Variants in RUFY3 observed in about 807,000 individuals in gnomAD.
RUFY3 encodes RUN and FYVE domain containing 3, also known as protein RUFY3.
RUFY3 carries 34 observed loss-of-function variants against 84.0 expected under a neutral mutation model. The ratio of observed to expected loss-of-function variants is 0.40; its 90% CI spans 0.31 to 0.54. The LOEUF is 0.54. RUFY3 is among the 20% of genes least tolerant of loss of function. The pLI is 0.39. For missense variants in RUFY3, 507 were observed against 736.8 expected, an observed-to-expected ratio of 0.69 and a Z score of 3.61; for synonymous variants, 242 against 252.9, an observed-to-expected ratio of 0.96 and a Z score of 0.41.
At chr4:70,761,569 C>T (rs1482746347) in intron 1 of RUFY3, among the ~76,000 whole-genome samples, 1 of 152,096 alleles carries the variant, frequency 6.6e-6, no homozygotes, top group Non-Finnish European at 1.5e-5. Flanking sequence ...TGTCTCACAG[C>T]ATGTTGTAAG....
At chr4:70,765,827 A>C (rs562142670) in intron 4 of RUFY3, among the ~76,000 whole-genome samples, 2 of 147,758 alleles carry the variant, frequency 1.4e-5, no homozygotes, top group South Asian at 4.2e-4. Context: ...CAGTGGCGCT[A>C]TCTCCACTCA....
At chr4:70,790,879 C>T (rs536280864) in intron 12 of RUFY3, among the ~76,000 whole-genome samples, 27 of 152,226 alleles carry the variant, frequency 1.8e-4, no homozygotes, top group Admixed American at 7.9e-4. Context: ...TTAATGTTAA[C>T]TCAAAACTTA....
Position 70,729,935 on chromosome 4 carries a change from G to GTT in RUFY3, c.178+7199_178+7200dup, listed in dbSNP as rs11420754. On this transcript the variant is annotated intron_variant, in intron 1 of 17. Coordinates refer to ENST00000381006, the MANE Select transcript of RUFY3 (RefSeq NM_001037442.4). ...AGGAATATGCATTTTTGTTTCTTTCGTTTTTTTTTTTTTTTTGAGATGGAG... is the reference window on the plus strand; with the variant it reads ...AGGAATATGCATTTTTGTTTCTTTCGTTTTTTTTTTTTTTTTTTGAGATGGAG... Among the ~76,000 whole-genome samples the GTT allele has an allele frequency of 4.5e-3, 585 of 129,404 alleles. 6 individuals are homozygous for GTT. The highest frequency in any genetic ancestry group is 0.013 in the South Asian group (53 of 4,046). The allele number at this position is 129,404 out of a possible 152,430, so 84.9% of individuals were successfully genotyped here.
At chr4:70,746,065 G>A (rs1476214558) in intron 1 of RUFY3, among the ~76,000 whole-genome samples, 3 of 151,706 alleles carry the variant, frequency 2.0e-5, no homozygotes, top group Admixed American at 6.6e-5. Flanking sequence ...AAAAATTGGC[G>A]GGGCGTGGTG....
chr4:70,704,569 C>G (rs1320335956), upstream of RUFY3: 2 of 173,406 alleles, frequency 1.2e-5, no homozygotes, highest in Non-Finnish European at 2.4e-5. Context: ...GCCCAGGGCC[C>G]GAGGGTCGGG....
chr4:70,718,135 G>A (rs906846545), upstream of RUFY3, among the ~76,000 whole-genome samples: 6 of 151,934 alleles, frequency 3.9e-5, no homozygotes, highest in East Asian at 3.9e-4. Flanking sequence ...TACCTGCCTC[G>A]GCCTCCCAAA....
upstream of RUFY3, among the ~76,000 whole-genome samples, chr4:70,720,969 G>A (rs562225611): frequency 7.3e-5 from 11 of 150,242 alleles, no homozygotes; most frequent in Admixed American, 6.7e-4. Flanking sequence ...GTATCTTATC[G>A]AATGGGAGGA....
chr4:70,733,101 AGAGAGAGAGAGAGAGAGAGGGAGG>A, intron 1 of RUFY3, among the ~76,000 whole-genome samples: 2 of 69,776 alleles, frequency 2.9e-5, no homozygotes, highest in South Asian at 1.4e-3. Flanking sequence ...GAGAGGAGAG[AGAGAGAGAGAGAGAGAGAGGGAGG>A]GAGGGAGGGA....
At chr4:70,725,352 C>G (rs962929955) in intron 1 of RUFY3, among the ~76,000 whole-genome samples, 46 of 147,846 alleles carry the variant, frequency 3.1e-4, no homozygotes, top group Non-Finnish European at 5.5e-4. Flanking sequence ...TTTTTTGAGA[C>G]AGAGTTTTGT....
intron 7 of RUFY3, among the ~76,000 whole-genome samples, chr4:70,776,170 A>G (rs946824265): frequency 2.0e-5 from 3 of 152,160 alleles, no homozygotes; most frequent in Non-Finnish European, 2.9e-5. Context: ...CAAACCCTAT[A>G]TATGCTATGT....
At chr4:70,720,888 C>CGTGTGT (rs71210198), upstream of RUFY3, among the ~76,000 whole-genome samples, 2,810 of 138,544 alleles carry the variant, frequency 0.02, 36 homozygotes, top group Middle Eastern at 0.03. Context: ...AATATAGGGC[C>CGTGTGT]GTGTGTGTGT....
chr4:70,760,374 G>A (rs1724816580), intron 1 of RUFY3, among the ~76,000 whole-genome samples: 1 of 152,124 alleles, frequency 6.6e-6, no homozygotes, highest in Admixed American at 6.5e-5. Flanking sequence ...TAGCAGCATT[G>A]TTTAATCTTG....
At chr4:70,734,656 A>T (rs1719993732) in intron 1 of RUFY3, 1 of 700,972 alleles carries the variant, frequency 1.4e-6, no homozygotes. Flanking sequence ...GAGAAATATC[A>T]GTAGCTCTGT....
At chr4:70,785,548 G>A (rs564984208) in intron 10 of RUFY3, among the ~76,000 whole-genome samples, 2 of 152,006 alleles carry the variant, frequency 1.3e-5, no homozygotes, top group Non-Finnish European at 2.9e-5. Flanking sequence ...TAAAAATCGG[G>A]CCAGGCACAG....
rs111471406 is a variant in RUFY3 at position 70,728,996 on chromosome 4, G to C, written c.178+6245G>C. ...TGGATACCTAATGAGTCTCTTTAGAGTTGGGTGGATAAATTAGTCAATGGA... is the reference window on the plus strand; with the variant it reads ...TGGATACCTAATGAGTCTCTTTAGACTTGGGTGGATAAATTAGTCAATGGA... On this transcript the variant is annotated intron_variant, in intron 1 of 17. Coordinates refer to ENST00000381006, the MANE Select transcript of RUFY3 (RefSeq NM_001037442.4). Among the ~76,000 whole-genome samples, 542 of 152,062 alleles carry C rather than the reference G, an allele frequency of 3.6e-3. 2 individuals carry two copies. Among genetic ancestry groups the C allele is most frequent in the African/African-American group, 0.013 (526 of 41,472 alleles).
rs546054599 is a variant in RUFY3 at position 70,773,122 on chromosome 4, T to C, written c.697-389T>C. Among the ~76,000 whole-genome samples the C allele has an allele frequency of 2.0e-3, 302 of 152,074 alleles. 1 individual carries two copies. Among genetic ancestry groups the C allele is most frequent in the African/African-American group, 7.0e-3 (289 of 41,494 alleles). On this transcript the variant is annotated intron_variant, in intron 5 of 17. Transcript: ENST00000381006. Reference sequence around the variant, plus strand: ...TATGAGTGTTTAATATTACTTCCCCTTTTTTTTAGCTGTATTTTCTGAAAC... The same window carrying C: ...TATGAGTGTTTAATATTACTTCCCCCTTTTTTTAGCTGTATTTTCTGAAAC...
chr4:70,734,489 C>T (rs1322085819), intron 1 of RUFY3: 2 of 985,238 alleles, frequency 2.0e-6, no homozygotes, highest in Non-Finnish European at 2.4e-6. Flanking sequence ...AAGGTTGTAG[C>T]TTTTAATACA....
intron 1 of RUFY3, among the ~76,000 whole-genome samples, chr4:70,749,708 G>C (rs1435285901): frequency 6.7e-6 from 1 of 148,634 alleles, no homozygotes; most frequent in African/African-American, 2.5e-5. Context: ...CAGGCTAGAA[G>C]GTGGTGGCAC....
chr4:70,762,428 G>A (rs190892355), intron 1 of RUFY3, 91 bp from the exon 2 acceptor site: 2 of 1,172,594 alleles, frequency 1.7e-6, no homozygotes, highest in East Asian at 2.4e-5. Flanking sequence ...TTCACAGTGA[G>A]TACATGGTGG....
Sources: allele counts gnomAD v4.1 joint callset (sites outside exome capture counted in the v4.1 genomes callset), GRCh38; gene constraint gnomAD v4.1.1; transcripts MANE v1.5; gene names NCBI Gene and HGNC (gene_info 2026-07-23, HGNC 2026-07-21).